Variants in ARIH1 observed in about 807,000 individuals in gnomAD.
ARIH1 encodes E3 ubiquitin-protein ligase ARIH1.
ARIH1 carries 8 observed loss-of-function variants against 85.0 expected under a neutral mutation model. The observed-to-expected ratio is 0.09, with a 90% confidence interval of 0.06 to 0.17. The LOEUF (loss-of-function observed/expected upper bound fraction) is 0.17, where lower values mean the gene tolerates loss of function less well. ARIH1 is among the 10% of genes least tolerant of loss of function. The pLI is 1.00. For missense variants in ARIH1, 311 were observed against 718.1 expected, an observed-to-expected ratio of 0.43 and a Z score of 6.48; for synonymous variants, 238 against 253.6, an observed-to-expected ratio of 0.94 and a Z score of 0.59.
chr15:72,561,004 C>T (rs891330266), intron 5 of ARIH1, among the ~76,000 whole-genome samples: 2 of 152,130 alleles, frequency 1.3e-5, no homozygotes, highest in African/African-American at 4.8e-5. Flanking sequence ...AAGAAGAAGG[C>T]TCTTAAAATT....
At chr15:72,537,103 T>C (rs2064085717) in intron 2 of ARIH1, among the ~76,000 whole-genome samples, 1 of 151,820 alleles carries the variant, frequency 6.6e-6, no homozygotes, top group Non-Finnish European at 1.5e-5. Flanking sequence ...TTTGTTGTTG[T>C]TGTTGTTGTT....
At chr15:72,479,951 T>A (rs1041483445) in intron 1 of ARIH1, among the ~76,000 whole-genome samples, 3 of 151,594 alleles carry the variant, frequency 2.0e-5, no homozygotes, top group Non-Finnish European at 4.4e-5. Context: ...CACCGCAAGC[T>A]CCGCCTCCTG....
chr15:72,524,623 TA>T, intron 2 of ARIH1, among the ~76,000 whole-genome samples: 1 of 152,136 alleles, frequency 6.6e-6, no homozygotes, highest in East Asian at 1.9e-4. Context: ...GTGAATATAG[TA>T]AAAGATTCCA....
At chr15:72,515,839 G>T (rs749943126) in intron 1 of ARIH1, among the ~76,000 whole-genome samples, 1 of 152,072 alleles carries the variant, frequency 6.6e-6, no homozygotes, top group Non-Finnish European at 1.5e-5. Context: ...CAGACTTAGG[G>T]ATCTACTTTT....
intron 2 of ARIH1, among the ~76,000 whole-genome samples, chr15:72,537,735 G>A (rs116004547): frequency 0.015 from 2,292 of 152,204 alleles, 55 homozygotes; most frequent in Admixed American, 0.057. Context: ...TTCTTGGAAG[G>A]GTTTTGGCAC....
chr15:72,566,426 G>T, intron 7 of ARIH1, 137 bp from the exon 8 acceptor site: 1 of 731,378 alleles, frequency 1.4e-6, no homozygotes, highest in Non-Finnish European at 2.4e-6. Flanking sequence ...AGCAGACATG[G>T]GTTCTCTCCT....
chr15:72,530,236 A>G (rs1258393621), intron 2 of ARIH1, among the ~76,000 whole-genome samples: 1 of 152,266 alleles, frequency 6.6e-6, no homozygotes, highest in Non-Finnish European at 1.5e-5. Flanking sequence ...TCAAATAATT[A>G]GTAAGATAGG....
At chr15:72,483,456 A>T (rs2063824401) in intron 1 of ARIH1, among the ~76,000 whole-genome samples, 1 of 152,194 alleles carries the variant, frequency 6.6e-6, no homozygotes, top group African/African-American at 2.4e-5. Flanking sequence ...AACCAAATCC[A>T]GCCCATACTC....
intron 3 of ARIH1, among the ~76,000 whole-genome samples, chr15:72,548,824 A>G (rs1246733564): frequency 1.3e-5 from 2 of 152,182 alleles, no homozygotes; most frequent in Non-Finnish European, 2.9e-5. Context: ...CAGTATCTTT[A>G]TCCTTCCAGA....
At chr15:72,541,377 A>AG (rs2064106832) in intron 2 of ARIH1, among the ~76,000 whole-genome samples, 1 of 152,224 alleles carries the variant, frequency 6.6e-6, no homozygotes, top group African/African-American at 2.4e-5. Context: ...AGTGAAAAAA[A>AG]GTTATAAAAC....
In ARIH1 at chr15:72,544,573, C is replaced by T. The variant is rs546627239; in HGVS notation, c.444-247C>T. On this transcript the variant is annotated intron_variant, in intron 2 of 13. Transcript: ENST00000379887. ...ATACATACACACACACACACACACA[C>T]TCATATATATGAGAGTAGACTGAAT... 1.1e-4 allele frequency among the ~76,000 whole-genome samples: 16 copies of T among 152,140 alleles called. No homozygotes were observed. The East Asian group carries it at 2.9e-3, about 28-fold the overall frequency.
At chr15:72,485,448 C>T (rs139589363) in intron 1 of ARIH1, among the ~76,000 whole-genome samples, 225 of 152,210 alleles carry the variant, frequency 1.5e-3, no homozygotes, top group East Asian at 6.8e-3. Flanking sequence ...TTCTAAAACA[C>T]TGCCGTCTCT....
chr15:72,485,731 A>G (rs1488029054), intron 1 of ARIH1, among the ~76,000 whole-genome samples: 2 of 152,148 alleles, frequency 1.3e-5, no homozygotes, highest in African/African-American at 4.8e-5. Flanking sequence ...TTCTTATAAT[A>G]GGCATAGTAT....
At chr15:72,501,652 G>A (rs888822928) in intron 1 of ARIH1, among the ~76,000 whole-genome samples, 6 of 152,322 alleles carry the variant, frequency 3.9e-5, no homozygotes, top group East Asian at 1.9e-4. Context: ...CAGATACGTG[G>A]AATGCTGATA....
chr15:72,519,591 C>G (rs1422857341), intron 2 of ARIH1, among the ~76,000 whole-genome samples: 2 of 146,690 alleles, frequency 1.4e-5, no homozygotes, highest in Non-Finnish European at 3.0e-5. Flanking sequence ...TCAAGCGATT[C>G]TCCTGTCTCA....
chr15:72,504,392 A>G (rs896825143), intron 1 of ARIH1, among the ~76,000 whole-genome samples: 1 of 152,090 alleles, frequency 6.6e-6, no homozygotes, highest in Non-Finnish European at 1.5e-5. Context: ...GGTGGGTCCC[A>G]AGTTCTTGTC....
At chr15:72,558,154 T>C (rs2064182722) in intron 5 of ARIH1, among the ~76,000 whole-genome samples, 1 of 152,232 alleles carries the variant, frequency 6.6e-6, no homozygotes, top group Non-Finnish European at 1.5e-5. Context: ...AGTATGATGT[T>C]GGCTATGGGT....
chr15:72,476,291 A>G (rs936456872), intron 1 of ARIH1, among the ~76,000 whole-genome samples: 1 of 152,238 alleles, frequency 6.6e-6, no homozygotes, highest in Non-Finnish European at 1.5e-5. Context: ...ATCTAGTGCC[A>G]TTACTAAATA....
At chr15:72,572,040 C>CTGATTTTTTTTTTTTCCTTTTCAT in intron 10 of ARIH1, 68 bp from the exon 11 acceptor site, 1 of 1,137,302 alleles carries the variant, frequency 8.8e-7, no homozygotes, top group Non-Finnish European at 1.3e-6. Context: ...GGTTAAAATT[C>CTGATTTTTTTTTTTTCCTTTTCAT]TGATTTTTTT....
Sources: allele counts gnomAD v4.1 joint callset (sites outside exome capture counted in the v4.1 genomes callset), GRCh38; gene constraint gnomAD v4.1.1; transcripts MANE v1.5; gene names NCBI Gene and HGNC (gene_info 2026-07-23, HGNC 2026-07-21).